RALGAPA2: variants seen among roughly 807,000 people sequenced by gnomAD.
RALGAPA2 encodes the protein Ral GTPase activating protein catalytic subunit alpha 2.
In RALGAPA2, 139 loss-of-function variants were observed where a neutral mutation model predicts 230.4. That is an observed-to-expected ratio of 0.60 (90% CI 0.53 to 0.69). The LOEUF (loss-of-function observed/expected upper bound fraction) is 0.69. RALGAPA2 is among the 30% of genes least tolerant of loss of function. RALGAPA2 has a pLI of 0.00. For synonymous variants in RALGAPA2, 847 were observed against 837.8 expected (o/e 1.01, Z -0.19); for missense variants, 2,163 against 2,276.0 (o/e 0.95, Z 1.01).
intron 37 of RALGAPA2, among the ~76,000 whole-genome samples, chr20:20,444,384 C>T (rs200805765): frequency 6.6e-5 from 10 of 152,164 alleles, no homozygotes; most frequent in African/African-American, 2.4e-4. Flanking sequence ...TAGCACATCA[C>T]CTCGTTTCCC....
chr20:20,544,265 T>TA (rs959930010), intron 24 of RALGAPA2, among the ~76,000 whole-genome samples: 2 of 138,676 alleles, frequency 1.4e-5, no homozygotes, highest in African/African-American at 2.7e-5. Flanking sequence ...ACTAAAAACA[T>TA]AAAAAAAATA....
intron 37 of RALGAPA2, among the ~76,000 whole-genome samples, chr20:20,452,527 C>T (rs1602407981): frequency 6.6e-6 from 1 of 152,332 alleles, no homozygotes; most frequent in African/African-American, 2.4e-5. Context: ...CTCCCGGCGG[C>T]GAGGACAGGA....
At position 20,611,333 on chromosome 20, in the gene RALGAPA2, C is replaced by G. The variant is rs1334709205; in HGVS notation, c.1782G>C (p.Leu594Phe). ...GACTTACCCTAAATAGTAACCCTGC[C>G]AAGCTCTGGGCAAACAAGTCCTTTA... ...KQIKDLFAQS[L>F]AGLLFRTLMV... is the part of the protein sequence containing the mutation. The change falls in exon 14 of 40, where the codon TTG (leucine) becomes TTC (phenylalanine). Residue 594 changes from leucine (L) to phenylalanine (F), a missense_variant. Coordinates refer to ENST00000202677, the MANE Select transcript of RALGAPA2 (RefSeq NM_020343.4). The G allele has an allele frequency of 1.2e-6, 2 of 1,612,358 alleles. No individual in the cohort carries two copies. The highest frequency in any genetic ancestry group is 3.3e-5 in the Admixed American group (2 of 59,990).
intron 37 of RALGAPA2, among the ~76,000 whole-genome samples, chr20:20,445,795 G>A (rs1779350701): frequency 6.6e-6 from 1 of 152,214 alleles, no homozygotes; most frequent in South Asian, 2.1e-4. Context: ...AGTATGTAAA[G>A]AAGTATAATC....
At chr20:20,682,748 A>C (rs942495678) in intron 1 of RALGAPA2, among the ~76,000 whole-genome samples, 4 of 152,228 alleles carry the variant, frequency 2.6e-5, no homozygotes, top group African/African-American at 7.2e-5. Flanking sequence ...ATTTAGTTCA[A>C]TATTTTCTTG....
At chr20:20,507,554 G>A (rs1423408072) in intron 33 of RALGAPA2, among the ~76,000 whole-genome samples, 1 of 152,014 alleles carries the variant, frequency 6.6e-6, no homozygotes, top group Admixed American at 6.5e-5. Flanking sequence ...ACAGGGTTTC[G>A]CCATGTTGGC....
chr20:20,515,015 C>A (rs555194859), intron 31 of RALGAPA2, among the ~76,000 whole-genome samples: 13 of 152,188 alleles, frequency 8.5e-5, no homozygotes, highest in Non-Finnish European at 1.8e-4. Context: ...TGCCCAACAC[C>A]AGGGGAGCTG....
At chr20:20,663,595 A>G (rs547431299) in intron 3 of RALGAPA2, among the ~76,000 whole-genome samples, 106 of 152,016 alleles carry the variant, frequency 7.0e-4, no homozygotes, top group Admixed American at 2.0e-3. Flanking sequence ...CATTATTATT[A>G]TTACTATTAT....
chr20:20,517,130 T>C (rs1368835800), intron 31 of RALGAPA2, among the ~76,000 whole-genome samples: 2 of 152,156 alleles, frequency 1.3e-5, no homozygotes, highest in Admixed American at 1.3e-4. Context: ...CCTGGAACAA[T>C]TCACGGTGGC....
chr20:20,524,708 A>T, intron 29 of RALGAPA2, 122 bp downstream of exon 29: 2 of 1,291,396 alleles, frequency 1.5e-6, no homozygotes, highest in Non-Finnish European at 1.1e-6. Context: ...CACAAAAAAG[A>T]CTGTTAAGGC....
intron 3 of RALGAPA2, chr20:20,659,912 C>A (rs1315766571): frequency 1.7e-5 from 7 of 406,360 alleles, no homozygotes; most frequent in East Asian, 1.7e-4. Context: ...AGGAGAACCC[C>A]TAGCCATCTC....
intron 3 of RALGAPA2, among the ~76,000 whole-genome samples, chr20:20,668,544 T>C (rs1036463972): frequency 3.7e-4 from 56 of 152,320 alleles, no homozygotes; most frequent in African/African-American, 1.3e-3. Flanking sequence ...AAAATGCACA[T>C]AAAAAACATG....
intron 37 of RALGAPA2, among the ~76,000 whole-genome samples, chr20:20,454,917 A>G (rs2061074683): frequency 6.6e-6 from 1 of 152,242 alleles, no homozygotes; most frequent in Non-Finnish European, 1.5e-5. Flanking sequence ...CACAAAGCCC[A>G]GGTCTGTAGT....
intron 37 of RALGAPA2, among the ~76,000 whole-genome samples, chr20:20,461,480 C>T (rs1169205428): frequency 1.3e-5 from 2 of 152,114 alleles, no homozygotes; most frequent in Admixed American, 1.3e-4. Flanking sequence ...TGACAGTTGC[C>T]ATCTTCTGGG....
At chr20:20,410,910 T>C (rs1485027649) in intron 38 of RALGAPA2, among the ~76,000 whole-genome samples, 2 of 152,332 alleles carry the variant, frequency 1.3e-5, no homozygotes, top group East Asian at 1.9e-4. Context: ...TGCCTGCTGC[T>C]CCTGGCTCCC....
Position 20,676,291 on chromosome 20 carries a change from G to A in RALGAPA2, c.218-3C>T. The A allele has an allele frequency of 6.5e-7, 1 of 1,548,840 alleles. No individual in the cohort carries two copies. Among genetic ancestry groups the A allele is most frequent in the Admixed American group, 1.8e-5 (1 of 57,074 alleles). On this transcript the variant is annotated splice_polypyrimidine_tract_variant and splice_region_variant and intron_variant, in intron 2 of 39. Transcript: ENST00000202677. ...CTCCCTTTGTGACTTATTATTCCCT[G>A]GAATATTAAAAAATAATTAGTTATC...
At chr20:20,703,705 G>C (rs2069485953) in intron 1 of RALGAPA2, among the ~76,000 whole-genome samples, 1 of 152,176 alleles carries the variant, frequency 6.6e-6, no homozygotes, top group South Asian at 2.1e-4. Context: ...AAAGGCAAAA[G>C]TAGAAAAAAT....
chr20:20,567,906 AAAATAAAAT>A (rs2064495537), intron 23 of RALGAPA2, among the ~76,000 whole-genome samples: 1 of 141,812 alleles, frequency 7.1e-6, no homozygotes. Flanking sequence ...AAAATAAAAT[AAAATAAAAT>A]AAAATAGGCC....
chr20:20,412,075 C>T lies in RALGAPA2; in HGVS notation c.5569G>A (p.Ala1857Thr), dbSNP rs772808710. The change falls in exon 38 of 40, where the codon GCA becomes ACA. Residue 1857 changes from alanine (A) to threonine (T), a missense_variant. Transcript: ENST00000202677. ...HREVMTFEDF[A>T]AQVFSPSPSY... Reference sequence around the variant, plus strand: ...GGAGAGGGAGAAAAGACTTGGGCTGCGAAATCCTCGAATGTCATTACTTCG... The same window carrying T: ...GGAGAGGGAGAAAAGACTTGGGCTGTGAAATCCTCGAATGTCATTACTTCG... The T allele has an allele frequency of 1.7e-5, 28 of 1,613,736 alleles. No individual in the cohort carries two copies. The highest frequency in any genetic ancestry group is 1.1e-5 in the Non-Finnish European group (13 of 1,179,844).
Sources: gnomAD v4.1 joint callset for allele counts (sites outside exome capture counted in the v4.1 genomes callset) on GRCh38, gnomAD v4.1.1 for gene constraint, MANE v1.5 for transcripts, NCBI Gene and HGNC (gene_info 2026-07-23, HGNC 2026-07-21) for gene names.